Variants in PHKA2 observed in about 807,000 individuals in gnomAD.
The protein encoded by PHKA2 is phosphorylase b kinase regulatory subunit alpha, liver isoform.
In PHKA2, 31 loss-of-function variants were observed where a neutral mutation model predicts 102.0. The observed-to-expected ratio is 0.30, with a 90% CI of 0.23 to 0.41. The LOEUF is 0.41. PHKA2 is among the 10% of genes least tolerant of loss of function. The pLI, the probability that PHKA2 is intolerant of heterozygous loss-of-function variation, is 1.00. For synonymous variants in PHKA2, 455 were observed against 416.2 expected (o/e 1.09, Z -1.13); for missense variants, 858 against 1,023.1 (o/e 0.84, Z 2.20).
Position 18,895,206 on chromosome X carries a change from GA to G in PHKA2, c.3283-16del. The stretch of plus-strand genomic sequence containing the variant: ...AGACCGTGGCACTGGAGGCAGAATA[GA>G]GCGCATTTCAGTCAGATTCCAGAAT... On this transcript the variant is annotated splice_polypyrimidine_tract_variant and intron_variant, in intron 30 of 32. Coordinates refer to ENST00000379942, the MANE Select transcript of PHKA2 (RefSeq NM_000292.3). 1 of 1,205,693 alleles carries G rather than the reference GA, an allele frequency of 8.3e-7. No homozygotes were observed. Among genetic ancestry groups the G allele is most frequent in the Non-Finnish European group, 1.1e-6 (1 of 889,872 alleles).
intron 18 of PHKA2, 90 bp downstream of exon 18, chrX:18,919,942 G>T: frequency 1.5e-6 from 1 of 675,743 alleles, no homozygotes; most frequent in Non-Finnish European, 2.4e-6. Context: ...ATCAATCATT[G>T]TCTATATTTG....
chrX:18,921,110 G>A (rs1248366728), intron 17 of PHKA2, among the ~76,000 whole-genome samples: 1 of 111,183 alleles, frequency 9.0e-6, no homozygotes, highest in Non-Finnish European at 1.9e-5. Context: ...CAGTGGGTAT[G>A]TAGGGTGAGT....
chrX:18,923,565 A>T (rs544360536), intron 17 of PHKA2, among the ~76,000 whole-genome samples: 1 of 111,528 alleles, frequency 9.0e-6, no homozygotes, highest in Non-Finnish European at 1.9e-5. Flanking sequence ...ATTCCACAGA[A>T]GGTGAGGGGC....
chrX:18,939,196 G>A (rs1186253025), intron 9 of PHKA2, among the ~76,000 whole-genome samples: 2 of 111,129 alleles, frequency 1.8e-5, no homozygotes, highest in East Asian at 5.6e-4. Context: ...ATTTTTTTGA[G>A]ACAGGGTCTC....
intron 19 of PHKA2, among the ~76,000 whole-genome samples, chrX:18,914,142 A>AGT (rs2047978793): frequency 8.9e-6 from 1 of 112,755 alleles, no homozygotes; most frequent in African/African-American, 3.2e-5. Flanking sequence ...ACATGTGAGC[A>AGT]GTGCATGGTG....
At chrX:18,925,834 C>T in intron 14 of PHKA2, 57 bp from the exon 15 acceptor site, 3 of 804,801 alleles carry the variant, frequency 3.7e-6, no homozygotes, top group South Asian at 2.0e-5. Context: ...AACAAGTAAT[C>T]CAGGCAACTC....
intron 6 of PHKA2, among the ~76,000 whole-genome samples, chrX:18,944,242 T>C: frequency 8.9e-6 from 1 of 112,287 alleles, no homozygotes; most frequent in Non-Finnish European, 1.9e-5. Flanking sequence ...AATTAACAAG[T>C]TCATAACGTT....
intron 15 of PHKA2, 79 bp downstream of exon 15, chrX:18,925,589 G>A (rs1478487852): frequency 3.4e-6 from 2 of 592,397 alleles, no homozygotes; most frequent in Non-Finnish European, 6.0e-6. Flanking sequence ...GCAGAATTCT[G>A]TCATATTCAC....
At chrX:18,956,646 C>CTTG (rs1165611506) in intron 1 of PHKA2, among the ~76,000 whole-genome samples, 4 of 112,675 alleles carry the variant, frequency 3.6e-5, no homozygotes, top group Non-Finnish European at 7.5e-5. Context: ...CCTCATTCAA[C>CTTG]TACAGAGAAG....
intron 17 of PHKA2, among the ~76,000 whole-genome samples, chrX:18,922,858 C>T (rs2048146070): frequency 9.1e-6 from 1 of 109,844 alleles, no homozygotes; most frequent in African/African-American, 3.3e-5. Flanking sequence ...AGGTAAATTA[C>T]CATAATTTTA....
chrX:18,900,957 C>T (rs1039472540), intron 27 of PHKA2, among the ~76,000 whole-genome samples: 14 of 109,502 alleles, frequency 1.3e-4, no homozygotes, highest in Admixed American at 1.1e-3. Context: ...GCACCCAGCA[C>T]GTTAAGACTC....
chrX:18,911,035 T>C, intron 19 of PHKA2, 75 bp from the exon 20 acceptor site: 1 of 621,623 alleles, frequency 1.6e-6, no homozygotes, highest in Non-Finnish European at 2.6e-6. Flanking sequence ...AGACAGAATC[T>C]CACTCTGTCA....
At chrX:18,958,184 G>A (rs1306370104) in intron 1 of PHKA2, among the ~76,000 whole-genome samples, 1 of 111,454 alleles carries the variant, frequency 9.0e-6, no homozygotes, top group African/African-American at 3.3e-5. Flanking sequence ...TAACGAGCGG[G>A]ATGGTGGGAT....
intron 31 of PHKA2, chrX:18,894,825 C>T (rs1212982546): frequency 4.2e-5 from 17 of 405,665 alleles, no homozygotes; most frequent in Non-Finnish European, 7.3e-5. Flanking sequence ...AGAAGGCTGC[C>T]CATGGGGCAG....
intron 12 of PHKA2, 107 bp from the exon 13 acceptor site, chrX:18,929,413 T>A: frequency 1.8e-6 from 1 of 555,392 alleles, no homozygotes; most frequent in Non-Finnish European, 3.1e-6. Context: ...ATTCAAGACT[T>A]TTTTCTTTAT....
chrX:18,897,032 A>G (rs2047572870), intron 30 of PHKA2, 131 bp downstream of exon 30: 1 of 748,902 alleles, frequency 1.3e-6, no homozygotes, highest in African/African-American at 2.1e-5. Flanking sequence ...CCTCGGCCCC[A>G]GGTGCCAACA....
In PHKA2 at chrX:18,899,174, G is replaced by A. The variant is rs767198458; in HGVS notation, c.3110C>T (p.Ala1037Val). 9.1e-6 allele frequency: 11 copies of A among 1,205,137 alleles called. No homozygotes were observed. The highest frequency in any genetic ancestry group is 1.7e-5 in the African/African-American group (1 of 57,248). The change falls in exon 29 of 33, where the codon GCG becomes GTG. Residue 1037 changes from alanine (A) to valine (V), a missense_variant and splice_region_variant. Coordinates refer to ENST00000379942, the MANE Select transcript of PHKA2 (RefSeq NM_000292.3). The stretch of plus-strand genomic sequence containing the variant: ...ACAATAATCCCGAGGCACTGTTACC[G>A]CAGACTTGGAGGAATGCGCACTGCT... ...ASSSAHSSKS[A>V]RSSTPSSPTG...
chrX:18,969,518 G>GTT (rs765994843), intron 1 of PHKA2, among the ~76,000 whole-genome samples: 2 of 106,961 alleles, frequency 1.9e-5, no homozygotes, highest in East Asian at 2.9e-4. Flanking sequence ...AAATGCAATT[G>GTT]TTTTTTTTTT....
At chrX:18,935,071 C>T (rs184387677) in intron 11 of PHKA2, among the ~76,000 whole-genome samples, 2 of 112,443 alleles carry the variant, frequency 1.8e-5, no homozygotes, top group East Asian at 2.8e-4. Flanking sequence ...CAGGCCCTGG[C>T]GATTTTGGGG....
Sources: allele counts gnomAD v4.1 joint callset (sites outside exome capture counted in the v4.1 genomes callset), GRCh38; gene constraint gnomAD v4.1.1; transcripts MANE v1.5; gene names NCBI Gene and HGNC (gene_info 2026-07-23, HGNC 2026-07-21).